NIPAL2: variants seen among roughly 807,000 people sequenced by gnomAD.
NIPAL2 encodes NIPA-like protein 2.
In NIPAL2, 43 loss-of-function variants were observed where a neutral mutation model predicts 48.9. The observed-to-expected ratio is 0.88, with a 90% CI of 0.69 to 1.13. The LOEUF (loss-of-function observed/expected upper bound fraction) is 1.13. Ranked by LOEUF, NIPAL2 falls within the 50% of genes most tolerant of loss-of-function variation. The pLI, the probability that NIPAL2 is intolerant of heterozygous loss-of-function variation, is 0.00. For missense variants in NIPAL2, 446 were observed against 461.4 expected, an observed-to-expected ratio of 0.97 and a Z score of 0.31; for synonymous variants, 167 against 174.6, an observed-to-expected ratio of 0.96 and a Z score of 0.34.
At chr8:98,260,326 G>A (rs181319487) in intron 1 of NIPAL2, among the ~76,000 whole-genome samples, 2 of 152,190 alleles carry the variant, frequency 1.3e-5, no homozygotes, top group Non-Finnish European at 2.9e-5. Context: ...CAGTGTGAGC[G>A]ACGCAGAAGA....
intron 1 of NIPAL2, among the ~76,000 whole-genome samples, chr8:98,260,293 G>A (rs1184408901): frequency 1.3e-5 from 2 of 152,182 alleles, no homozygotes; most frequent in Non-Finnish European, 2.9e-5. Flanking sequence ...GGCCGAATAG[G>A]AACAGCTCCG....
intron 1 of NIPAL2, among the ~76,000 whole-genome samples, chr8:98,280,550 T>C (rs1563553414): frequency 6.6e-6 from 1 of 151,646 alleles, no homozygotes; most frequent in Non-Finnish European, 1.5e-5. Context: ...CCCCATTTCA[T>C]GGTGAACTCT....
Position 98,264,548 on chromosome 8 carries a change from A to C in NIPAL2, c.136-10461T>G, listed in dbSNP as rs1274460567. ...ATTCACAATTGCTTCAAAGAGAATA[A>C]AATACCTAGGAATCCAACTTACAAG... On this transcript the variant is annotated intron_variant, in intron 1 of 10. Coordinates refer to ENST00000430223, the MANE Select transcript of NIPAL2 (RefSeq NM_001321635.2). Among the ~76,000 whole-genome samples the C allele has an allele frequency of 4.6e-3, 697 of 151,320 alleles. 4 individuals are homozygous for C. Among genetic ancestry groups the C allele is most frequent in the African/African-American group, 0.011 (461 of 41,314 alleles).
rs190019827 is a variant in NIPAL2 at position 98,233,436 on chromosome 8, A to G, written c.436+2719T>C. 3.9e-5 allele frequency among the ~76,000 whole-genome samples: 6 copies of G among 152,312 alleles called. No homozygotes were observed. In the East Asian group the frequency reaches 1.2e-3, roughly 29 times the overall value. On this transcript the variant is annotated intron_variant, in intron 4 of 10. Coordinates refer to ENST00000430223, the MANE Select transcript of NIPAL2 (RefSeq NM_001321635.2). ...ATCTCTCAGCAATGAAGGTGGTAAT[A>G]GAAATTATGACAATTATATTGACAA...
chr8:98,200,731 T>A (rs1344616227), intron 8 of NIPAL2, among the ~76,000 whole-genome samples: 1 of 152,206 alleles, frequency 6.6e-6, no homozygotes, highest in African/African-American at 2.4e-5. Context: ...ACCATTTACA[T>A]CCCCACCAAT....
intron 3 of NIPAL2, among the ~76,000 whole-genome samples, chr8:98,242,488 ATTT>A (rs568464494): frequency 2.4e-4 from 28 of 117,758 alleles, no homozygotes; most frequent in African/African-American, 5.0e-4. Context: ...CACCTGACAG[ATTT>A]TTTTTTTTTT....
chr8:98,289,212 T>G (rs1253063924), intron 1 of NIPAL2, among the ~76,000 whole-genome samples: 1 of 152,230 alleles, frequency 6.6e-6, no homozygotes, highest in East Asian at 1.9e-4. Context: ...CTTTTTTTCC[T>G]CATATAAATG....
chr8:98,224,292 CT>C (rs1382832320), intron 4 of NIPAL2, among the ~76,000 whole-genome samples: 1 of 152,058 alleles, frequency 6.6e-6, no homozygotes, highest in Non-Finnish European at 1.5e-5. Flanking sequence ...CTGGGGTTTT[CT>C]TTTCAGAGAT....
intron 6 of NIPAL2, among the ~76,000 whole-genome samples, chr8:98,212,072 CAA>C (rs1396726307): frequency 6.6e-6 from 1 of 152,120 alleles, no homozygotes; most frequent in African/African-American, 2.4e-5. Flanking sequence ...ATTCCTGACA[CAA>C]GAGTTTTAAT....
intron 1 of NIPAL2, among the ~76,000 whole-genome samples, chr8:98,287,471 G>A (rs1816246529): frequency 6.6e-6 from 1 of 152,266 alleles, no homozygotes; most frequent in South Asian, 2.1e-4. Flanking sequence ...TAGTGGTTAT[G>A]GTTTAAAGAA....
chr8:98,250,616 A>G (rs1439642338), intron 3 of NIPAL2, among the ~76,000 whole-genome samples: 1 of 152,214 alleles, frequency 6.6e-6, no homozygotes, highest in Non-Finnish European at 1.5e-5. Context: ...ACAGAGAGGG[A>G]GGTAGCTAAA....
At chr8:98,280,761 T>TATATATAGAGAG in intron 1 of NIPAL2, among the ~76,000 whole-genome samples, 331 of 30,016 alleles carry the variant, frequency 0.011, 9 homozygotes, top group South Asian at 0.015. Flanking sequence ...TATATATATA[T>TATATATAGAGAG]AGAGAGAGAG....
intron 6 of NIPAL2, among the ~76,000 whole-genome samples, chr8:98,208,944 G>C (rs528305324): frequency 4.0e-5 from 6 of 151,816 alleles, no homozygotes; most frequent in African/African-American, 1.5e-4. Context: ...TTTTTAAAAC[G>C]TACTAATGCT....
intron 1 of NIPAL2, among the ~76,000 whole-genome samples, chr8:98,265,875 A>G (rs1814691427): frequency 6.6e-6 from 1 of 151,728 alleles, no homozygotes; most frequent in South Asian, 2.1e-4. Context: ...AAGACTTGGA[A>G]TCAACCCAAA....
rs367608260 is a variant in NIPAL2 at position 98,203,338 on chromosome 8, G to A, written c.792-142C>T. 5.1e-5 allele frequency: 34 copies of A among 665,798 alleles called. No homozygotes were observed. The East Asian group carries it at 5.9e-4, about 12-fold the overall frequency. 41.2% of individuals were successfully genotyped at this position (665,798 alleles called of 1,614,324 possible). The stretch of plus-strand genomic sequence containing the variant: ...AGTGAAAGGGCATTTCCAATCAGCA[G>A]TCATAGCTTATATGCATCTGATGTA... On this transcript the variant is annotated intron_variant, in intron 7 of 10. Transcript: ENST00000430223.
At chr8:98,293,737 G>T (rs1176477243) in intron 1 of NIPAL2, among the ~76,000 whole-genome samples, 1 of 152,234 alleles carries the variant, frequency 6.6e-6, no homozygotes, top group Non-Finnish European at 1.5e-5. Context: ...TCCCAGGAAC[G>T]GGTGGCTGAG....
At chr8:98,201,248 A>C (rs1810784535) in intron 8 of NIPAL2, among the ~76,000 whole-genome samples, 2 of 151,850 alleles carry the variant, frequency 1.3e-5, no homozygotes, top group African/African-American at 4.8e-5. Context: ...CCACCATTCC[A>C]CTCACCAATA....
intron 3 of NIPAL2, among the ~76,000 whole-genome samples, chr8:98,248,624 G>A (rs1348811572): frequency 1.3e-5 from 2 of 152,168 alleles, no homozygotes; most frequent in Non-Finnish European, 2.9e-5. Flanking sequence ...TGTGGCCCTA[G>A]AGCTCTTGAC....
intron 2 of NIPAL2, among the ~76,000 whole-genome samples, chr8:98,253,088 T>C (rs986389583): frequency 6.6e-6 from 1 of 152,132 alleles, no homozygotes; most frequent in African/African-American, 2.4e-5. Context: ...GATCAGCTGT[T>C]GCAGTAGCAC....
Sources: gnomAD v4.1 joint callset for allele counts (sites outside exome capture counted in the v4.1 genomes callset) on GRCh38, gnomAD v4.1.1 for gene constraint, MANE v1.5 for transcripts, NCBI Gene and HGNC (gene_info 2026-07-23, HGNC 2026-07-21) for gene names.